Variants in ADGRG4 observed in about 807,000 individuals in gnomAD.
ADGRG4 encodes G protein-coupled receptor 112.
ADGRG4 carries 122 observed loss-of-function variants against 126.2 expected under a neutral mutation model. The ratio of observed to expected loss-of-function variants is 0.97; its 90% confidence interval spans 0.83 to 1.12. ADGRG4 has a LOEUF of 1.12. ADGRG4 is among the 50% of genes most tolerant of loss of function. The pLI is 0.00. For synonymous variants in ADGRG4, 943 were observed against 838.7 expected (o/e 1.12, Z -2.15); for missense variants, 2,481 against 2,251.8 (o/e 1.10, Z -2.06).
chrX:136,328,524 T>C (rs1178126421), intron 5 of ADGRG4, among the ~76,000 whole-genome samples: 1 of 112,038 alleles, frequency 8.9e-6, no homozygotes, highest in Non-Finnish European at 1.9e-5. Context: ...ATCCTTTCTA[T>C]TGAAAAGAAT....
chrX:136,344,368 A>G, intron 5 of ADGRG4, 24 bp from the exon 6 acceptor site: 1 of 1,065,055 alleles, frequency 9.4e-7, no homozygotes, highest in Non-Finnish European at 1.3e-6. Flanking sequence ...ATCCAAAATA[A>G]CACATTCTTT....
At chrX:136,336,940 G>A (rs1462609861) in intron 5 of ADGRG4, among the ~76,000 whole-genome samples, 2 of 110,773 alleles carry the variant, frequency 1.8e-5, no homozygotes, top group African/African-American at 6.6e-5. Flanking sequence ...TTCCATTTTG[G>A]TCCTTTGACT....
At position 136,373,022 on chromosome X, in the gene ADGRG4, G is replaced by A. The variant is rs145406055; in HGVS notation, c.7734G>A (p.Met2578Ile). The A allele has an allele frequency of 1.0e-4, 126 of 1,208,870 alleles. No homozygotes were observed. Among genetic ancestry groups the A allele is most frequent in the Non-Finnish European group, 1.4e-4 (121 of 894,756 alleles). The change falls in exon 15 of 26, where the codon ATG (methionine) becomes ATA (isoleucine). Residue 2578 changes from methionine (M) to isoleucine (I), a missense_variant. By Grantham distance (10) the Met-to-Ile change is conservative. Coordinates refer to ENST00000394143, the MANE Select transcript of ADGRG4 (RefSeq NM_153834.4). ...GGGGGGACCACACGTTTGATGGCAT[G>A]GCTTTCAGCATTCACTCCTATGAAG... Reference protein sequence around the residue: ...VLRGDHTFDGMAFSIHSYEEG... With the variant: ...VLRGDHTFDGIAFSIHSYEEG...
In ADGRG4 at chrX:136,356,964, T is replaced by C. The variant is rs1045063527; in HGVS notation, c.6928-740T>C. On this transcript the variant is annotated intron_variant, in intron 9 of 25. Transcript: ENST00000394143. Reference sequence around the variant, plus strand: ...CTGCACTACACTATGATTGCACCACTGCACTCCAGCCTAGGTGATAGAGCA... The same window carrying C: ...CTGCACTACACTATGATTGCACCACCGCACTCCAGCCTAGGTGATAGAGCA... Among the ~76,000 whole-genome samples, 6 of 112,144 alleles carry C rather than the reference T, an allele frequency of 5.4e-5. No homozygotes were observed. In the Admixed American group the frequency reaches 5.7e-4, roughly 11 times the overall value.
At chrX:136,387,663 G>A in intron 15 of ADGRG4, 77 bp from the exon 16 acceptor site, 2 of 963,475 alleles carry the variant, frequency 2.1e-6, no homozygotes, top group East Asian at 6.2e-5. Flanking sequence ...CTGAGGCTGA[G>A]CTGGGGTGGG....
chrX:136,415,431 A>G (rs2075470537), intron 25 of ADGRG4, among the ~76,000 whole-genome samples: 1 of 111,240 alleles, frequency 9.0e-6, no homozygotes, highest in Non-Finnish European at 1.9e-5. Flanking sequence ...GGGGACTAGA[A>G]TGGATAATCT....
At chrX:136,339,429 G>A (rs2148461260) in intron 5 of ADGRG4, among the ~76,000 whole-genome samples, 1 of 111,847 alleles carries the variant, frequency 8.9e-6, no homozygotes, top group Admixed American at 9.4e-5. Flanking sequence ...AGGCCTGTTA[G>A]GGAAGGAGAG....
At position 136,347,279 on chromosome X, in the gene ADGRG4, C is replaced by A. The variant is rs375612242; in HGVS notation, c.3573C>A (p.Phe1191Leu). 1.2e-5 allele frequency: 15 copies of A among 1,209,689 alleles called. No individual in the cohort carries two copies. The East Asian group carries it at 3.0e-4, about 24-fold the overall frequency. The change falls in exon 6 of 26, where the codon TTC (phenylalanine) becomes TTA (leucine). Residue 1191 changes from phenylalanine (F) to leucine (L), a missense_variant. Physicochemically the swap from Phe to Leu is conservative, Grantham distance 22. Coordinates refer to ENST00000394143, the MANE Select transcript of ADGRG4 (RefSeq NM_153834.4). Reference protein sequence around the residue: ...STYALSFPYTFSGGGVVASLA... With the variant: ...STYALSFPYTLSGGGVVASLA... The stretch of plus-strand genomic sequence containing the variant: ...ATGCTCTCAGCTTCCCATATACTTT[C>A]AGTGGTGGTGGAGTTGTTGCCAGCT...
intron 19 of ADGRG4, 129 bp from the exon 20 acceptor site, chrX:136,397,752 T>C: frequency 1.7e-6 from 1 of 596,034 alleles, no homozygotes; most frequent in Non-Finnish European, 2.7e-6. Flanking sequence ...ATTCACATAA[T>C]CTGGTTTTAG....
At chrX:136,361,692 C>T in intron 12 of ADGRG4, 105 bp downstream of exon 12, 1 of 504,668 alleles carries the variant, frequency 2.0e-6, no homozygotes, top group Non-Finnish European at 3.0e-6. Context: ...CTTCCTCCAC[C>T]TCTAGTGCCA....
At position 136,345,798 on chromosome X, in the gene ADGRG4, G is replaced by T; in HGVS notation, c.2092G>T (p.Ala698Ser). The T allele has an allele frequency of 8.3e-7, 1 of 1,209,602 alleles. No homozygotes were observed. Residue 698 changes from alanine to serine, a missense_variant, in exon 6 of 26, where the codon GCA becomes TCA. Coordinates refer to ENST00000394143, the MANE Select transcript of ADGRG4 (RefSeq NM_153834.4). ...TACTACTTATACAGAATATTTATCC[G>T]CAACTACCAATATCACCCCACTGAA... ...ENTTYTEYLS[A>S]TTNITPLKAS...
chrX:136,403,883 T>G (rs1355670589), intron 22 of ADGRG4, among the ~76,000 whole-genome samples: 1 of 112,020 alleles, frequency 8.9e-6, no homozygotes, highest in Non-Finnish European at 1.9e-5. Context: ...TCTCTTTAGT[T>G]CTCTCAACCA....
chrX:136,315,671 C>A (rs2074800431), intron 4 of ADGRG4, among the ~76,000 whole-genome samples: 2 of 111,668 alleles, frequency 1.8e-5, no homozygotes, highest in South Asian at 7.6e-4. Flanking sequence ...GAAGTCCTAA[C>A]CCTCAGTACC....
At chrX:136,407,474 T>C (rs1472913829) in intron 23 of ADGRG4, among the ~76,000 whole-genome samples, 9 of 111,988 alleles carry the variant, frequency 8.0e-5, no homozygotes, top group Middle Eastern at 4.6e-3. Context: ...TGACAGGCAC[T>C]TGCAAAGTGC....
rs150281542 is a variant in ADGRG4, at chrX:136,350,134, G to T, written c.6428G>T (p.Gly2143Val). The change falls in exon 6 of 26, where the codon GGT becomes GTT. Residue 2143 changes from glycine (G) to valine (V), a missense_variant. Gly to Val is a moderately radical substitution (Grantham distance 109). Transcript: ENST00000394143. ...ACAACTGACCACACTCTATCTGTTGGTGCCATGCCTCTGCCTAGCTCTACA... is the reference window on the plus strand; with the variant it reads ...ACAACTGACCACACTCTATCTGTTGTTGCCATGCCTCTGCCTAGCTCTACA... ...PSTTDHTLSV[G>V]AMPLPSSTIT... is the part of the protein sequence containing the mutation. 75 of 1,207,510 alleles carry T rather than the reference G, an allele frequency of 6.2e-5. No individual in the cohort carries two copies. In the African/African-American group the frequency reaches 1.1e-3, roughly 17 times the overall value.
intron 5 of ADGRG4, among the ~76,000 whole-genome samples, chrX:136,334,795 T>A (rs1454668867): frequency 8.9e-6 from 1 of 112,074 alleles, no homozygotes; most frequent in Non-Finnish European, 1.9e-5. Context: ...CTGAACTCAT[T>A]TATAAGTTCT....
intron 24 of ADGRG4, among the ~76,000 whole-genome samples, chrX:136,413,571 G>C (rs2075458678): frequency 2.7e-5 from 3 of 111,046 alleles, no homozygotes; most frequent in South Asian, 7.6e-4. Context: ...GCAACCTGCT[G>C]GTCCTTGTGC....
chrX:136,365,399 A>C (rs920649721), intron 13 of ADGRG4, among the ~76,000 whole-genome samples: 1 of 111,935 alleles, frequency 8.9e-6, no homozygotes, highest in South Asian at 3.7e-4. Context: ...AGCATGTATC[A>C]TTGCTTCATT....
chrX:136,323,964 C>T (rs1343563221), intron 5 of ADGRG4, among the ~76,000 whole-genome samples: 1 of 111,613 alleles, frequency 9.0e-6, no homozygotes, highest in Middle Eastern at 4.2e-3. Context: ...GCATACAGTC[C>T]AGTTACTTTG....
Sources: gnomAD v4.1 joint callset for allele counts (sites outside exome capture counted in the v4.1 genomes callset) on GRCh38, gnomAD v4.1.1 for gene constraint, MANE v1.5 for transcripts, NCBI Gene and HGNC (gene_info 2026-07-23, HGNC 2026-07-21) for gene names.